Variants in ADAMTSL1 observed in about 807,000 individuals in gnomAD.
The protein encoded by ADAMTSL1 is ADAMTS like 1.
In ADAMTSL1, 126 loss-of-function variants were observed where a neutral mutation model predicts 201.8. The ratio of observed to expected loss-of-function variants is 0.62; its 90% CI spans 0.54 to 0.72. The LOEUF (loss-of-function observed/expected upper bound fraction) is 0.72. ADAMTSL1 is among the 30% of genes least tolerant of loss of function. ADAMTSL1 has a pLI of 0.00. For synonymous variants in ADAMTSL1, 1,121 were observed against 903.4 expected (o/e 1.24, Z -4.32); for missense variants, 2,679 against 2,277.8 (o/e 1.18, Z -3.59).
At chr9:18,764,291 G>A (rs767319074) in intron 16 of ADAMTSL1, among the ~76,000 whole-genome samples, 7 of 152,002 alleles carry the variant, frequency 4.6e-5, no homozygotes, top group Non-Finnish European at 8.8e-5. Context: ...TTTTCATGTT[G>A]TTCACTGTTG....
intron 20 of ADAMTSL1, among the ~76,000 whole-genome samples, chr9:18,808,669 A>G (rs1823309105): frequency 6.6e-6 from 1 of 152,242 alleles, no homozygotes; most frequent in Non-Finnish European, 1.5e-5. Context: ...CCACTGGCAC[A>G]GTTGTTTTTA....
At chr9:18,254,185 A>G (rs1324706519) in intron 2 of ADAMTSL1, among the ~76,000 whole-genome samples, 1 of 151,844 alleles carries the variant, frequency 6.6e-6, no homozygotes, top group Non-Finnish European at 1.5e-5. Context: ...CGTCCACCTC[A>G]CTGGTTTGCT....
At position 18,237,526 on chromosome 9, in the gene ADAMTSL1, A is replaced by G. The variant is rs926923110; in HGVS notation, c.207+73545A>G. Reference sequence around the variant, plus strand: ...ATGTTGTGGATAAAGCACTTAGAGGATTTCAGAGAAAGCTCACTACTATAC... The same window carrying G: ...ATGTTGTGGATAAAGCACTTAGAGGGTTTCAGAGAAAGCTCACTACTATAC... On this transcript the variant is annotated intron_variant, in intron 2 of 29. Transcript: ENST00000680146. 3.9e-5 allele frequency among the ~76,000 whole-genome samples: 6 copies of G among 152,300 alleles called. No individual in the cohort carries two copies. In the East Asian group the frequency reaches 1.2e-3, roughly 29 times the overall value.
intron 2 of ADAMTSL1, among the ~76,000 whole-genome samples, chr9:18,260,488 G>A (rs1277771976): frequency 1.3e-5 from 2 of 152,224 alleles, no homozygotes; most frequent in East Asian, 3.9e-4. Flanking sequence ...GTTGTCCATT[G>A]TTGGGCTACC....
intron 17 of ADAMTSL1, among the ~76,000 whole-genome samples, chr9:18,771,061 C>G (rs1820663278): frequency 6.6e-6 from 1 of 152,128 alleles, no homozygotes; most frequent in Non-Finnish European, 1.5e-5. Context: ...GTTTTGGCCC[C>G]AGGATTCTTT....
chr9:18,838,735 T>C (rs1054773636), intron 23 of ADAMTSL1, among the ~76,000 whole-genome samples: 7 of 151,668 alleles, frequency 4.6e-5, no homozygotes, highest in Non-Finnish European at 7.4e-5. Flanking sequence ...GAGGCTGAGG[T>C]GTAGTCCTAG....
chr9:18,856,173 A>C (rs1172705824), intron 23 of ADAMTSL1, among the ~76,000 whole-genome samples: 3 of 152,216 alleles, frequency 2.0e-5, no homozygotes, highest in African/African-American at 4.8e-5. Context: ...ATGATGCCAA[A>C]AATGGTATAA....
At chr9:18,212,113 C>A (rs1587322023) in intron 2 of ADAMTSL1, among the ~76,000 whole-genome samples, 1 of 152,180 alleles carries the variant, frequency 6.6e-6, no homozygotes, top group East Asian at 1.9e-4. Context: ...GGAACCAAAT[C>A]TGGACAAGGT....
intron 1 of ADAMTSL1, among the ~76,000 whole-genome samples, chr9:18,135,036 C>A (rs1252912345): frequency 6.6e-6 from 1 of 152,120 alleles, no homozygotes; most frequent in Non-Finnish European, 1.5e-5. Flanking sequence ...ACTGCCATTG[C>A]CTTTTCTTTT....
chr9:18,250,307 T>A (rs1831414066), intron 2 of ADAMTSL1, among the ~76,000 whole-genome samples: 2 of 152,198 alleles, frequency 1.3e-5, no homozygotes, highest in African/African-American at 2.4e-5. Context: ...CAGTATTTCA[T>A]GTGTTCAAAT....
chr9:18,085,425 A>G (rs563428319), intron 1 of ADAMTSL1, among the ~76,000 whole-genome samples: 1 of 150,476 alleles, frequency 6.6e-6, no homozygotes, highest in Admixed American at 6.6e-5. Flanking sequence ...CCTGATACAT[A>G]CTAATTATAT....
At chr9:18,433,059 T>G (rs1819566437) in intron 2 of ADAMTSL1, among the ~76,000 whole-genome samples, 1 of 147,052 alleles carries the variant, frequency 6.8e-6, no homozygotes, top group Non-Finnish European at 1.5e-5. Context: ...TTTGGCTAGA[T>G]TTTTTTTAAC....
At chr9:18,599,022 C>A (rs1185873155) in intron 4 of ADAMTSL1, among the ~76,000 whole-genome samples, 1 of 152,138 alleles carries the variant, frequency 6.6e-6, no homozygotes, top group Non-Finnish European at 1.5e-5. Context: ...GGGAGGATTT[C>A]TGTCTCCTCC....
chr9:18,081,932 T>A (rs555713646), intron 1 of ADAMTSL1, among the ~76,000 whole-genome samples: 19 of 152,342 alleles, frequency 1.2e-4, no homozygotes, highest in African/African-American at 4.3e-4. Context: ...ACTTATGATG[T>A]GAGGACAAGG....
chr9:18,777,063 A>C lies in ADAMTSL1; in HGVS notation c.2834A>C (p.Tyr945Ser). The change falls in exon 19 of 29, where the codon TAC (tyrosine) becomes TCC (serine). Residue 945 changes from tyrosine (Y) to serine (S), a missense_variant. Physicochemically the swap from Tyr to Ser is moderately radical, Grantham distance 144. Coordinates refer to ENST00000380548, the MANE Select transcript of ADAMTSL1 (RefSeq NM_001040272.6). ...HRLKPSDAGV[Y>S]TCSAGPAREH... The stretch of plus-strand genomic sequence containing the variant: ...CTCAAGCCCTCGGATGCAGGCGTCT[A>C]CACCTGCTCAGCGGGCCCGGCCCGG... The C allele has an allele frequency of 1.9e-6, 3 of 1,613,276 alleles. No individual in the cohort carries two copies. Among genetic ancestry groups the C allele is most frequent in the Non-Finnish European group, 2.5e-6 (3 of 1,179,744 alleles).
chr9:18,261,270 G>T (rs1831912425), intron 2 of ADAMTSL1, among the ~76,000 whole-genome samples: 1 of 151,992 alleles, frequency 6.6e-6, no homozygotes, highest in Non-Finnish European at 1.5e-5. Context: ...GGCCTTTTGT[G>T]CTTCATTTTG....
chr9:17,933,020 T>C (rs1395297254), intron 1 of ADAMTSL1, among the ~76,000 whole-genome samples: 1 of 152,212 alleles, frequency 6.6e-6, no homozygotes. Context: ...CCTGGCACCA[T>C]GCATGGTAGG....
chr9:18,153,171 A>G (rs1250323977), intron 1 of ADAMTSL1, among the ~76,000 whole-genome samples: 1 of 152,062 alleles, frequency 6.6e-6, no homozygotes, highest in African/African-American at 2.4e-5. Flanking sequence ...CACGTCATCC[A>G]CATCCTATAC....
chr9:18,266,764 CTT>C (rs1026606223), intron 2 of ADAMTSL1, among the ~76,000 whole-genome samples: 25 of 152,232 alleles, frequency 1.6e-4, no homozygotes, highest in Middle Eastern at 3.4e-3. Flanking sequence ...GCTTCTGACT[CTT>C]TGGAATTTTT....
Sources: allele counts gnomAD v4.1 joint callset (sites outside exome capture counted in the v4.1 genomes callset), GRCh38; gene constraint gnomAD v4.1.1; transcripts MANE v1.5; gene names NCBI Gene and HGNC (gene_info 2026-07-23, HGNC 2026-07-21).